The following VEZT variants were observed in gnomAD, a reference collection of about 807,000 sequenced individuals.
VEZT encodes vezatin, adherens junctions transmembrane protein.
VEZT carries 39 observed loss-of-function variants against 79.9 expected under a neutral mutation model. The observed-to-expected ratio is 0.49, with a 90% confidence interval of 0.38 to 0.64. The LOEUF (loss-of-function observed/expected upper bound fraction) is 0.64. Among genes scored for constraint, VEZT ranks in the 30% least tolerant of loss-of-function variants. The probability of loss-of-function intolerance (pLI) is 0.00; values close to 1 mark genes in which losing one functional copy is unlikely to be tolerated. For missense variants in VEZT, 837 were observed against 893.1 expected (o/e 0.94, Z 0.80); for synonymous variants, 325 against 327.6 (o/e 0.99, Z 0.09).
At chr12:95,287,218 T>C (rs2071177645) in intron 8 of VEZT, among the ~76,000 whole-genome samples, 1 of 152,220 alleles carries the variant, frequency 6.6e-6, no homozygotes, top group Non-Finnish European at 1.5e-5. Context: ...CATTTAATCA[T>C]TATAAAATGT....
chr12:95,268,483 G>C lies in VEZT; in HGVS notation c.711-1568G>C, dbSNP rs188746222. ...ACTGCACTCCAGCCTGGACGACAGA[G>C]CGAGACTCCGTTTCAAAAACAAAAA... On this transcript the variant is annotated intron_variant, in intron 5 of 11. Transcript: ENST00000436874. Among the ~76,000 whole-genome samples, 311 of 152,294 alleles carry C rather than the reference G, an allele frequency of 2.0e-3. 3 individuals carry two copies. Among genetic ancestry groups the C allele is most frequent in the African/African-American group, 7.1e-3 (294 of 41,572 alleles).
chr12:95,221,177 T>C (rs10859853), intron 1 of VEZT, among the ~76,000 whole-genome samples: 61,847 of 152,088 alleles, frequency 0.41, 13,083 homozygotes, highest in African/African-American at 0.51. Context: ...ATTGGGTTGT[T>C]TCTTTTTCTT....
intron 3 of VEZT, chr12:95,258,278 C>CT (rs771310985): frequency 1.8e-5 from 8 of 455,668 alleles, no homozygotes; most frequent in Non-Finnish European, 2.6e-5. Flanking sequence ...GATACTAGGA[C>CT]TGTGGTAAGG....
rs928420051 is a variant in VEZT, at chr12:95,301,272, T to C, written c.*599T>C. Reference sequence around the variant, plus strand: ...GTTCATGTGTGTATTTAGTAGTTAATTTTAAGATGTCCTAGTGATCTTTAA... The same window carrying C: ...GTTCATGTGTGTATTTAGTAGTTAACTTTAAGATGTCCTAGTGATCTTTAA... On this transcript the variant is annotated 3_prime_UTR_variant, in exon 12 of 12. Coordinates refer to ENST00000436874, the MANE Select transcript of VEZT (RefSeq NM_017599.4). 6.6e-6 allele frequency: 1 copy of C among 152,196 alleles called. No homozygotes were observed. The highest frequency in any genetic ancestry group is 1.5e-5 in the Non-Finnish European group (1 of 68,034). The allele number at this position is 152,196 out of a possible 1,614,324, so 9.4% of individuals were successfully genotyped here.
At chr12:95,278,277 A>G (rs556351347) in intron 7 of VEZT, among the ~76,000 whole-genome samples, 1 of 152,170 alleles carries the variant, frequency 6.6e-6, no homozygotes, top group Non-Finnish European at 1.5e-5. Context: ...TCCCCATCCT[A>G]CCTTCCAACA....
intron 7 of VEZT, among the ~76,000 whole-genome samples, chr12:95,279,584 A>G (rs1227412801): frequency 2.0e-5 from 3 of 152,200 alleles, no homozygotes; most frequent in Admixed American, 6.5e-5. Flanking sequence ...GTAATGTGAC[A>G]GTGATTGGAT....
intron 1 of VEZT, among the ~76,000 whole-genome samples, chr12:95,233,691 T>C (rs1305657269): frequency 2.0e-5 from 3 of 152,224 alleles, no homozygotes; most frequent in Non-Finnish European, 4.4e-5. Context: ...TGTGAGCCAC[T>C]GTGCCTGGCC....
chr12:95,225,514 G>A (rs376789135), intron 1 of VEZT, among the ~76,000 whole-genome samples: 1 of 151,964 alleles, frequency 6.6e-6, no homozygotes, highest in South Asian at 2.1e-4. Context: ...CCAAGATCGC[G>A]CCACTGCACT....
At chr12:95,299,428 ATATAT>A (rs1190453409) in intron 11 of VEZT, 27 of 152,578 alleles carry the variant, frequency 1.8e-4, no homozygotes, top group African/African-American at 6.5e-4. Flanking sequence ...CCGTATGAAT[ATATAT>A]TATATTTATG....
intron 1 of VEZT, among the ~76,000 whole-genome samples, chr12:95,221,101 A>T (rs1423951166): frequency 1.3e-5 from 2 of 152,176 alleles, no homozygotes; most frequent in African/African-American, 4.8e-5. Flanking sequence ...AAGATTTTTA[A>T]TGTGTTTATT....
intron 1 of VEZT, among the ~76,000 whole-genome samples, chr12:95,235,866 G>A (rs1462209933): frequency 3.3e-5 from 5 of 151,934 alleles, no homozygotes; most frequent in African/African-American, 1.2e-4. Context: ...AGACGGGGTG[G>A]CAGGGCAGAG....
intron 11 of VEZT, chr12:95,299,134 T>C (rs1019263696): frequency 1.3e-5 from 2 of 155,040 alleles, no homozygotes; most frequent in East Asian, 1.9e-4. Context: ...AAGTCTGCAC[T>C]GGAACCTGCT....
chr12:95,223,815 T>C (rs1203155631), intron 1 of VEZT, among the ~76,000 whole-genome samples: 1 of 152,230 alleles, frequency 6.6e-6, no homozygotes, highest in East Asian at 1.9e-4. Flanking sequence ...TTGTTTGTGG[T>C]TTTAAATTTT....
At chr12:95,223,651 A>G (rs1476211795) in intron 1 of VEZT, among the ~76,000 whole-genome samples, 1 of 152,110 alleles carries the variant, frequency 6.6e-6, no homozygotes, top group Non-Finnish European at 1.5e-5. Flanking sequence ...GGGTTTCACC[A>G]TGTTGGCCAG....
intron 1 of VEZT, 198 bp downstream of exon 1, chr12:95,218,084 C>T: frequency 2.4e-6 from 1 of 420,014 alleles, no homozygotes; most frequent in Non-Finnish European, 4.2e-6. Flanking sequence ...TGGCCGTGGC[C>T]GGCCTCTATC....
intron 9 of VEZT, 125 bp downstream of exon 9, chr12:95,287,982 T>C (rs2071427942): frequency 1.3e-6 from 1 of 765,830 alleles, no homozygotes; most frequent in Non-Finnish European, 1.9e-6. Context: ...TAGTTTACTT[T>C]TTTTTAATGT....
chr12:95,224,649 G>T (rs1385935420), intron 1 of VEZT, among the ~76,000 whole-genome samples: 1 of 152,172 alleles, frequency 6.6e-6, no homozygotes, highest in African/African-American at 2.4e-5. Context: ...TTCTTTTGAA[G>T]AGCTGAAAGC....
intron 1 of VEZT, among the ~76,000 whole-genome samples, chr12:95,229,255 T>G (rs1444320771): frequency 6.6e-6 from 1 of 152,254 alleles, no homozygotes; most frequent in East Asian, 1.9e-4. Flanking sequence ...TATGTATTTT[T>G]TATTGCATTT....
chr12:95,296,170 G>A lies in VEZT; in HGVS notation c.1743G>A (p.Arg581=), dbSNP rs761533695. Residue 581 remains arginine (R), a synonymous_variant, in exon 11 of 12, where the codon AGG becomes AGA. Coordinates refer to ENST00000436874, the MANE Select transcript of VEZT (RefSeq NM_017599.4). ...AGCGTGAGCATGAAGAATCCAAGAG[G>A]GTGCTCCAAGAATTAAAATCTGTGC... ...RQKREHEESK[R]VLQELKSVLG... is the part of the protein sequence containing the mutation. 2 of 1,580,134 alleles carry A rather than the reference G, an allele frequency of 1.3e-6. No homozygotes were observed. Among genetic ancestry groups the A allele is most frequent in the Non-Finnish European group, 1.7e-6 (2 of 1,161,930 alleles).
Sources: allele counts gnomAD v4.1 joint callset (sites outside exome capture counted in the v4.1 genomes callset), GRCh38; gene constraint gnomAD v4.1.1; transcripts MANE v1.5; gene names NCBI Gene and HGNC (gene_info 2026-07-23, HGNC 2026-07-21).